TBCK: variants seen among roughly 807,000 people sequenced by gnomAD.
TBCK encodes TBC1 domain containing kinase.
TBCK carries 99 observed loss-of-function variants against 113.4 expected under a neutral mutation model. That is an observed-to-expected ratio of 0.87 (90% CI 0.74 to 1.03). The LOEUF (loss-of-function observed/expected upper bound fraction) is 1.03. TBCK is among the 50% of genes least tolerant of loss of function. The probability of loss-of-function intolerance (pLI) is 0.00; values close to 1 mark genes in which losing one functional copy is unlikely to be tolerated. For synonymous variants in TBCK, 369 were observed against 370.8 expected, an observed-to-expected ratio of 1.00 and a Z score of 0.05; for missense variants, 1,045 against 1,061.3, an observed-to-expected ratio of 0.98 and a Z score of 0.21.
chr4:106,075,043 A>C (rs1738006645), intron 25 of TBCK, among the ~76,000 whole-genome samples: 1 of 152,234 alleles, frequency 6.6e-6, no homozygotes, highest in Non-Finnish European at 1.5e-5. Flanking sequence ...GAATAGATCT[A>C]TGATGGGAGG....
rs1560575835 is a variant in TBCK at position 106,046,698 on chromosome 4, C to G, written c.2572-18G>C. On this transcript the variant is annotated intron_variant, in intron 25 of 25. Transcript: ENST00000394708. Reference sequence around the variant, plus strand: ...GCTGCAAACTGGAAAAAAAAAGAGGCAAAATTTTTAGAGGATATACAGAAG... The same window carrying G: ...GCTGCAAACTGGAAAAAAAAAGAGGGAAAATTTTTAGAGGATATACAGAAG... The G allele has an allele frequency of 6.9e-7, 1 of 1,449,004 alleles. No homozygotes were observed. The highest frequency in any genetic ancestry group is 1.7e-5 in the Admixed American group (1 of 58,278). 89.8% of individuals were successfully genotyped at this position (1,449,004 alleles called of 1,614,324 possible). A position where few individuals can be genotyped will look rare whatever the true frequency, so the allele number is the denominator to read the frequency against.
intron 3 of TBCK, among the ~76,000 whole-genome samples, chr4:106,267,729 G>A (rs554661825): frequency 6.6e-6 from 1 of 151,992 alleles, no homozygotes; most frequent in East Asian, 1.9e-4. Context: ...TTTTCAACAT[G>A]GCTCAATAAA....
chr4:106,090,525 C>G (rs1422692060), intron 25 of TBCK, among the ~76,000 whole-genome samples: 3 of 152,160 alleles, frequency 2.0e-5, no homozygotes, highest in Non-Finnish European at 4.4e-5. Flanking sequence ...CTGTAGCCTG[C>G]TTGGATTTTT....
intron 24 of TBCK, among the ~76,000 whole-genome samples, chr4:106,106,449 G>A (rs1359904158): frequency 6.6e-6 from 1 of 152,120 alleles, no homozygotes; most frequent in Non-Finnish European, 1.5e-5. Flanking sequence ...AGACCTCTCA[G>A]CTGAAACCCT....
intron 23 of TBCK, among the ~76,000 whole-genome samples, chr4:106,148,280 C>CA (rs1384157732): frequency 6.6e-6 from 1 of 152,210 alleles, no homozygotes; most frequent in Non-Finnish European, 1.5e-5. Flanking sequence ...CACCTATTCG[C>CA]ACACTCCCTC....
chr4:106,117,785 G>T (rs1477272160), intron 23 of TBCK, among the ~76,000 whole-genome samples: 1 of 152,112 alleles, frequency 6.6e-6, no homozygotes. Flanking sequence ...TGAAGTGGGT[G>T]GATTACGAGG....
At chr4:106,093,831 AG>A (rs1287468550) in intron 25 of TBCK, among the ~76,000 whole-genome samples, 2 of 152,090 alleles carry the variant, frequency 1.3e-5, no homozygotes, top group African/African-American at 4.8e-5. Context: ...CTAAAATAAA[AG>A]TTAATAAAAA....
intron 1 of TBCK, among the ~76,000 whole-genome samples, chr4:106,313,395 TAGAAGAC>T (rs1245627931): frequency 6.6e-6 from 1 of 151,910 alleles, no homozygotes; most frequent in Non-Finnish European, 1.5e-5. Context: ...AAAAAAAAGT[TAGAAGAC>T]ATGGAAGGAT....
At chr4:106,172,050 T>G (rs1208775801) in intron 22 of TBCK, among the ~76,000 whole-genome samples, 1 of 152,102 alleles carries the variant, frequency 6.6e-6, no homozygotes, top group African/African-American at 2.4e-5. Context: ...CAGGCTGTTC[T>G]TGAATTCCTG....
chr4:106,128,212 A>ATTT (rs1245085055), intron 23 of TBCK, among the ~76,000 whole-genome samples: 1 of 152,236 alleles, frequency 6.6e-6, no homozygotes. Context: ...ATAAGGCCAG[A>ATTT]TGTGATACAA....
intron 25 of TBCK, among the ~76,000 whole-genome samples, chr4:106,087,691 G>A (rs1405072043): frequency 2.0e-5 from 3 of 152,126 alleles, no homozygotes; most frequent in African/African-American, 7.2e-5. Flanking sequence ...TATACTACAT[G>A]GCTACAGTGA....
chr4:106,078,854 C>CA (rs1469003274), intron 25 of TBCK, among the ~76,000 whole-genome samples: 2 of 152,030 alleles, frequency 1.3e-5, no homozygotes, highest in Non-Finnish European at 2.9e-5. Flanking sequence ...AACTTCAGGT[C>CA]AATATCTCTG....
intron 22 of TBCK, among the ~76,000 whole-genome samples, chr4:106,173,322 G>A (rs1397890590): frequency 2.6e-5 from 4 of 152,080 alleles, no homozygotes; most frequent in Non-Finnish European, 5.9e-5. Context: ...AAAAGAGATA[G>A]CACAATTCAT....
At chr4:106,179,092 A>G (rs971584724) in intron 22 of TBCK, among the ~76,000 whole-genome samples, 1 of 151,996 alleles carries the variant, frequency 6.6e-6, no homozygotes, top group Non-Finnish European at 1.5e-5. Flanking sequence ...ATTCTGTAGT[A>G]AAATGTCTCA....
chr4:106,312,712 G>C (rs766986705), intron 1 of TBCK, among the ~76,000 whole-genome samples: 2 of 152,048 alleles, frequency 1.3e-5, no homozygotes, highest in Non-Finnish European at 2.9e-5. Flanking sequence ...TCCCATAAGT[G>C]AATCAATTAA....
Position 106,116,342 on chromosome 4 carries a change from C to A in TBCK, c.2272G>T (p.Glu758Ter). The change falls in exon 24 of 26, where the codon GAA becomes TAA. Residue 758 changes from glutamate to a stop codon, truncating the protein, a stop_gained. Transcript: ENST00000394708. LOFTEE classifies it high-confidence loss of function. The part of the protein sequence containing the change: ...ESIPLNDLKS[E>*]VSPRISAEDL... ...TCTGCTGAAATCCGTGGTGATACTT[C>A]TGACTTCAGGTCATTTAATGGGATG... 3 of 1,613,308 alleles carry A rather than the reference C, an allele frequency of 1.9e-6. No homozygotes were observed. The highest frequency in any genetic ancestry group is 2.5e-6 in the Non-Finnish European group (3 of 1,179,874).
chr4:106,205,586 A>C (rs1042454227), intron 20 of TBCK, among the ~76,000 whole-genome samples: 1 of 78,692 alleles, frequency 1.3e-5, no homozygotes, highest in Non-Finnish European at 2.5e-5. Flanking sequence ...CACTAAAAAT[A>C]CAAAAAAAAA....
chr4:106,207,126 C>T (rs1463531630), intron 20 of TBCK, among the ~76,000 whole-genome samples: 1 of 152,170 alleles, frequency 6.6e-6, no homozygotes, highest in Admixed American at 6.5e-5. Context: ...CACCCTGTCT[C>T]CAATTTTATC....
At chr4:106,168,775 CTATATA>C (rs1234896543) in intron 23 of TBCK, among the ~76,000 whole-genome samples, 1 of 151,584 alleles carries the variant, frequency 6.6e-6, no homozygotes, top group Admixed American at 6.6e-5. Context: ...ATAAGTCTAA[CTATATA>C]TATATAAGAT....
Sources: allele counts gnomAD v4.1 joint callset (sites outside exome capture counted in the v4.1 genomes callset), GRCh38; gene constraint gnomAD v4.1.1; transcripts MANE v1.5; gene names NCBI Gene and HGNC (gene_info 2026-07-23, HGNC 2026-07-21).